Variants in AHCTF1 observed in about 807,000 individuals in gnomAD.
AHCTF1 encodes the protein protein ELYS.
Under a neutral mutation model 248.4 loss-of-function variants are expected in AHCTF1, and 24 were observed. The ratio of observed to expected loss-of-function variants is 0.10; its 90% confidence interval spans 0.07 to 0.14. AHCTF1 has a LOEUF of 0.14. AHCTF1 is among the 10% of genes least tolerant of loss of function. AHCTF1 has a pLI of 1.00. For synonymous variants in AHCTF1, 786 were observed against 929.8 expected, an observed-to-expected ratio of 0.85 and a Z score of 2.81; for missense variants, 2,206 against 2,636.2, an observed-to-expected ratio of 0.84 and a Z score of 3.57.
Position 246,851,287 on chromosome 1 carries a change from A to C in AHCTF1, c.4719T>G (p.Thr1573=). Residue 1573 remains threonine, a synonymous_variant, in exon 33 of 36, where the codon ACT becomes ACG. Coordinates refer to ENST00000648844, the MANE Select transcript of AHCTF1 (RefSeq NM_001323342.2). ...CTACTTCAGCAATGTCACATTCAGCAGTGTCTTTGTTATCAGCTAAGTCAC... is the reference window on the plus strand; with the variant it reads ...CTACTTCAGCAATGTCACATTCAGCCGTGTCTTTGTTATCAGCTAAGTCAC... The part of the protein sequence containing the change: ...QFCDLADNKD[T]AECDIAEVDG... 6.2e-7 allele frequency: 1 copy of C among 1,614,074 alleles called. No individual in the cohort carries two copies. Among genetic ancestry groups the C allele is most frequent in the South Asian group, 1.1e-5 (1 of 91,078 alleles).
intron 2 of AHCTF1, among the ~76,000 whole-genome samples, chr1:246,917,541 C>T (rs1666231511): frequency 6.6e-6 from 1 of 152,052 alleles, no homozygotes; most frequent in South Asian, 2.1e-4. Flanking sequence ...AGAATAGTGG[C>T]TACTTAGAAA....
At chr1:246,929,741 G>T (rs1167472306) in intron 1 of AHCTF1, among the ~76,000 whole-genome samples, 1 of 152,218 alleles carries the variant, frequency 6.6e-6, no homozygotes, top group African/African-American at 2.4e-5. Flanking sequence ...AAGACACAAC[G>T]TTTTGCTTCC....
intron 13 of AHCTF1, among the ~76,000 whole-genome samples, chr1:246,895,603 CTG>C (rs1400614931): frequency 1.3e-5 from 2 of 152,088 alleles, no homozygotes; most frequent in African/African-American, 4.8e-5. Context: ...GTAGGTATGG[CTG>C]TAACGGCAGC....
chr1:246,851,112 T>C lies in AHCTF1; in HGVS notation c.4894A>G (p.Asn1632Asp). Reference sequence around the variant, plus strand: ...TTTGCAATTTGTCCATGATTATCATTTTCCCCACTGCATACAAGTTTTTCT... The same window carrying C: ...TTTGCAATTTGTCCATGATTATCATCTTCCCCACTGCATACAAGTTTTTCT... ...TEEKLVCSGE[N>D]DNHGQIANLP... Residue 1632 changes from asparagine to aspartate, a missense_variant, in exon 33 of 36, where the codon AAT becomes GAT. Around this residue, in one of 6 missense-constraint regions of AHCTF1, gnomAD observed 955 missense variants for 1,055.6 expected, o/e 0.90. Coordinates refer to ENST00000648844, the MANE Select transcript of AHCTF1 (RefSeq NM_001323342.2). 1.2e-6 allele frequency: 2 copies of C among 1,613,928 alleles called. No homozygotes were observed. The highest frequency in any genetic ancestry group is 1.7e-6 in the Non-Finnish European group (2 of 1,179,854).
At chr1:246,913,161 G>C in intron 4 of AHCTF1, 71 bp downstream of exon 4, 1 of 1,337,664 alleles carries the variant, frequency 7.5e-7, no homozygotes, top group Non-Finnish European at 9.9e-7. Flanking sequence ...AAAAAATTTG[G>C]CTACTTTAAA....
chr1:246,849,968 G>T lies in AHCTF1; in HGVS notation c.6038C>A (p.Thr2013Asn). ...ATCAACATTTTCACTTTTAGCTGGGGTATTTCTTGTAGATCTCCTTCTAAT... is the reference window on the plus strand; with the variant it reads ...ATCAACATTTTCACTTTTAGCTGGGTTATTTCTTGTAGATCTCCTTCTAAT... ...PSIRRRSTRN[T>N]PAKSENVDVG... Residue 2013 changes from threonine to asparagine, a missense_variant, in exon 33 of 36, where the codon ACC becomes AAC. Physicochemically the swap from Thr to Asn is moderately conservative, Grantham distance 65. Transcript: ENST00000648844. 6.2e-7 allele frequency: 1 copy of T among 1,613,938 alleles called. No individual in the cohort carries two copies.
intron 29 of AHCTF1, among the ~76,000 whole-genome samples, chr1:246,858,135 A>AT (rs1237305868): frequency 6.6e-6 from 1 of 151,304 alleles, no homozygotes; most frequent in African/African-American, 2.4e-5. Context: ...GATTTTTTGT[A>AT]TTTTTAGTAG....
Position 246,900,250 on chromosome 1 carries a change from A to G in AHCTF1, c.1251-4T>C, listed in dbSNP as rs771365960. 6.3e-7 allele frequency: 1 copy of G among 1,585,978 alleles called. No homozygotes were observed. The highest frequency in any genetic ancestry group is 8.5e-7 in the Non-Finnish European group (1 of 1,171,298). ...ATTATGTAGATATTCTCCTGACCTAAAAGAAAATTTAAAACATTACTAAGT... is the reference window on the plus strand; with the variant it reads ...ATTATGTAGATATTCTCCTGACCTAGAAGAAAATTTAAAACATTACTAAGT... On this transcript the variant is annotated splice_polypyrimidine_tract_variant and splice_region_variant and intron_variant, in intron 9 of 35. Transcript: ENST00000648844.
At chr1:246,919,108 A>G (rs993090062) in intron 1 of AHCTF1, among the ~76,000 whole-genome samples, 2 of 152,208 alleles carry the variant, frequency 1.3e-5, no homozygotes, top group African/African-American at 2.4e-5. Flanking sequence ...GTTAAAATAC[A>G]GAAAGATTTT....
chr1:246,902,599 T>G lies in AHCTF1; in HGVS notation c.1043A>C (p.Asn348Thr). ...ACTCTGGCATCCCAACAATTTGGTA[T>G]TACTCGTCTGTCCCCTCAAAGGGAA... ...GMFPLRGQTS[N>T]TKLLGCQSIE... is the part of the protein sequence containing the mutation. Residue 348 changes from asparagine to threonine, a missense_variant, in exon 8 of 36, where the codon AAT becomes ACT. Coordinates refer to ENST00000648844, the MANE Select transcript of AHCTF1 (RefSeq NM_001323342.2). 6.2e-7 allele frequency: 1 copy of G among 1,612,656 alleles called. No individual in the cohort carries two copies. The highest frequency in any genetic ancestry group is 2.2e-5 in the East Asian group (1 of 44,868).
intron 1 of AHCTF1, among the ~76,000 whole-genome samples, chr1:246,928,976 TGAC>T (rs754546438): frequency 4.6e-5 from 7 of 152,228 alleles, no homozygotes; most frequent in Non-Finnish European, 8.8e-5. Flanking sequence ...ACCTTCTTCC[TGAC>T]TTTAAGGAGT....
intron 24 of AHCTF1, 72 bp downstream of exon 24, chr1:246,875,965 G>C: frequency 5.7e-6 from 8 of 1,397,078 alleles, no homozygotes; most frequent in South Asian, 1.5e-5. Context: ...ATTTAAGGTG[G>C]TTTCAGAAAA....
intron 19 of AHCTF1, among the ~76,000 whole-genome samples, 179 bp from the exon 20 acceptor site, chr1:246,887,536 C>T (rs1218097668): frequency 6.6e-6 from 1 of 152,106 alleles, no homozygotes; most frequent in East Asian, 1.9e-4. Flanking sequence ...AATGTGGGTA[C>T]AACCAGTCCC....
chr1:246,871,816 C>A (rs914634954), intron 24 of AHCTF1, among the ~76,000 whole-genome samples: 14 of 151,862 alleles, frequency 9.2e-5, no homozygotes, highest in African/African-American at 3.4e-4. Flanking sequence ...GTAGCAGTGG[C>A]CTACTGCCAG....
rs988631918 is a variant in AHCTF1, at chr1:246,849,986, C to T, written c.6020G>A (p.Arg2007Lys). The change falls in exon 33 of 36, where the codon AGG (arginine) becomes AAG (lysine). Residue 2007 changes from arginine to lysine, a missense_variant. Arg to Lys is a conservative substitution (Grantham distance 26). This residue lies in a region of AHCTF1 where 469 missense variants were observed against 470.0 expected (regional missense o/e 1.00). Coordinates refer to ENST00000648844, the MANE Select transcript of AHCTF1 (RefSeq NM_001323342.2). Reference protein sequence around the residue: ...PKKKEAPSIRRRSTRNTPAKS... With the variant: ...PKKKEAPSIRKRSTRNTPAKS... ...AGCTGGGGTATTTCTTGTAGATCTC[C>T]TTCTAATGCTGGGAGCTTCTTTCTT... 9 of 1,613,614 alleles carry T rather than the reference C, an allele frequency of 5.6e-6. No homozygotes were observed. In the Admixed American group the frequency reaches 1.3e-4, roughly 24 times the overall value.
intron 1 of AHCTF1, among the ~76,000 whole-genome samples, chr1:246,929,446 A>T (rs779122758): frequency 1.2e-4 from 18 of 145,620 alleles, no homozygotes; most frequent in Non-Finnish European, 2.4e-4. Context: ...CAGTGAAAAC[A>T]TTGGATTTAG....
intron 14 of AHCTF1, among the ~76,000 whole-genome samples, 191 bp downstream of exon 14, chr1:246,894,468 G>A (rs867762303): frequency 2.0e-5 from 3 of 152,074 alleles, no homozygotes; most frequent in African/African-American, 7.2e-5. Context: ...GTTTGAACCC[G>A]GGAGGTGGAG....
chr1:246,867,639 T>G (rs754857774), intron 25 of AHCTF1, 22 bp downstream of exon 25: 2 of 1,609,008 alleles, frequency 1.2e-6, no homozygotes, highest in Non-Finnish European at 1.7e-6. Flanking sequence ...AGCATGACTA[T>G]GAAACGTGTA....
At chr1:246,847,501 T>C (rs1169201665) in intron 33 of AHCTF1, among the ~76,000 whole-genome samples, 1 of 152,118 alleles carries the variant, frequency 6.6e-6, no homozygotes, top group Non-Finnish European at 1.5e-5. Context: ...AGTAGGCATG[T>C]ATTGTTTTTG....
Sources: gnomAD v4.1 joint callset for allele counts (sites outside exome capture counted in the v4.1 genomes callset) on GRCh38, gnomAD v4.1.1 for gene constraint, gnomAD v4.1.1 regional missense constraint, MANE v1.5 for transcripts, NCBI Gene and HGNC (gene_info 2026-07-23, HGNC 2026-07-21) for gene names.